GRXCR1: variants seen among roughly 807,000 people sequenced by gnomAD.
GRXCR1 encodes glutaredoxin and cysteine rich domain containing 1.
GRXCR1 carries 27 observed loss-of-function variants against 27.3 expected under a neutral mutation model. That is an observed-to-expected ratio of 0.99 (90% CI 0.73 to 1.37). The LOEUF is 1.37. Among genes scored for constraint, GRXCR1 ranks in the 40% most tolerant of loss-of-function variants. The pLI is 0.00. For missense variants in GRXCR1, 379 were observed against 354.4 expected, an observed-to-expected ratio of 1.07 and a Z score of -0.56; for synonymous variants, 122 against 131.1, an observed-to-expected ratio of 0.93 and a Z score of 0.47.
chr4:42,932,286 T>G lies in GRXCR1; in HGVS notation c.385-30606T>G, dbSNP rs370837332. On this transcript the variant is annotated intron_variant, in intron 1 of 3. Coordinates refer to ENST00000399770, the MANE Select transcript of GRXCR1 (RefSeq NM_001080476.3). ...GCCAGGCCTGTGCGGATTCCTTCCTTGGCCCCTGGCATCCAGCTGTTTCTG... is the reference window on the plus strand; with the variant it reads ...GCCAGGCCTGTGCGGATTCCTTCCTGGGCCCCTGGCATCCAGCTGTTTCTG... Among the ~76,000 whole-genome samples, 10 of 151,918 alleles carry G rather than the reference T, an allele frequency of 6.6e-5. No homozygotes were observed. In the East Asian group the frequency reaches 1.4e-3, roughly 21 times the overall value.
In GRXCR1 at chr4:42,989,152, G is replaced by A. The variant is rs576242243; in HGVS notation, c.627+26018G>A. Among the ~76,000 whole-genome samples, 18 of 152,212 alleles carry A rather than the reference G, an allele frequency of 1.2e-4. No homozygotes were observed. The East Asian group carries it at 2.5e-3, about 21-fold the overall frequency. On this transcript the variant is annotated intron_variant, in intron 2 of 3. Coordinates refer to ENST00000399770, the MANE Select transcript of GRXCR1 (RefSeq NM_001080476.3). ...CGCTTATATATTACTCAACTAGGAC[G>A]GGTATAACAAAATGCCATAGACTGG... is the stretch of plus-strand genomic sequence containing the variant.
Position 43,018,966 on chromosome 4 carries a change from C to T in GRXCR1, c.628-1388C>T, listed in dbSNP as rs1483881360. Among the ~76,000 whole-genome samples the T allele has an allele frequency of 4.6e-5, 7 of 152,134 alleles. No homozygotes were observed. In the East Asian group the frequency reaches 9.6e-4, roughly 21 times the overall value. ...TATATTCTCTGTAGCCCTGTGCGTT[C>T]GTTCATATTGCTTTTGAATGTATCA... On this transcript the variant is annotated intron_variant, in intron 2 of 3. Coordinates refer to ENST00000399770, the MANE Select transcript of GRXCR1 (RefSeq NM_001080476.3).
chr4:42,947,446 A>G (rs1747770072), intron 1 of GRXCR1, among the ~76,000 whole-genome samples: 1 of 152,176 alleles, frequency 6.6e-6, no homozygotes, highest in Non-Finnish European at 1.5e-5. Context: ...TATCTATTGC[A>G]TAGTATGTTG....
chr4:42,900,937 C>T (rs1746446861), intron 1 of GRXCR1, among the ~76,000 whole-genome samples: 1 of 152,136 alleles, frequency 6.6e-6, no homozygotes, highest in East Asian at 1.9e-4. Context: ...TGGTGAAGAG[C>T]CAGGTTCACA....
intron 2 of GRXCR1, among the ~76,000 whole-genome samples, chr4:43,003,346 T>C (rs1360923902): frequency 2.6e-5 from 4 of 152,024 alleles, no homozygotes; most frequent in Non-Finnish European, 5.9e-5. Flanking sequence ...AATGGACTAA[T>C]ACAGAAAATT....
At chr4:42,906,364 A>T (rs1237917609) in intron 1 of GRXCR1, among the ~76,000 whole-genome samples, 1 of 152,166 alleles carries the variant, frequency 6.6e-6, no homozygotes, top group East Asian at 1.9e-4. Flanking sequence ...ACCACAGCGC[A>T]CTTGGCTTTA....
intron 1 of GRXCR1, among the ~76,000 whole-genome samples, chr4:42,936,627 G>C (rs1322407736): frequency 6.6e-6 from 1 of 151,722 alleles, no homozygotes; most frequent in African/African-American, 2.4e-5. Context: ...GATTTCCTTA[G>C]GGTTCATCTG....
At chr4:43,009,397 T>C (rs1251072268) in intron 2 of GRXCR1, among the ~76,000 whole-genome samples, 1 of 152,180 alleles carries the variant, frequency 6.6e-6, no homozygotes, top group Non-Finnish European at 1.5e-5. Flanking sequence ...GTCCTCCAAC[T>C]CTCTCTACTG....
intron 1 of GRXCR1, among the ~76,000 whole-genome samples, chr4:42,894,059 A>G (rs888054854): frequency 6.6e-6 from 1 of 152,174 alleles, no homozygotes; most frequent in Admixed American, 6.6e-5. Flanking sequence ...ACACCAGAAA[A>G]TGTTGAGTGC....
intron 1 of GRXCR1, among the ~76,000 whole-genome samples, chr4:42,942,517 C>T (rs904664309): frequency 1.3e-5 from 2 of 152,052 alleles, no homozygotes; most frequent in African/African-American, 4.8e-5. Context: ...TTTGGTTACT[C>T]TCTATGGGGC....
intron 1 of GRXCR1, among the ~76,000 whole-genome samples, chr4:42,926,085 T>C (rs979639110): frequency 3.3e-5 from 5 of 152,198 alleles, no homozygotes; most frequent in African/African-American, 9.6e-5. Context: ...TCGACTAATA[T>C]GTTTCCTGCT....
intron 1 of GRXCR1, among the ~76,000 whole-genome samples, chr4:42,924,300 CAT>C (rs572216266): frequency 9.9e-5 from 15 of 152,128 alleles, no homozygotes; most frequent in African/African-American, 1.7e-4. Context: ...AATAAACACA[CAT>C]ATGTGTGTGT....
intron 1 of GRXCR1, among the ~76,000 whole-genome samples, chr4:42,898,848 C>T (rs77018725): frequency 0.039 from 5,854 of 151,978 alleles, 170 homozygotes; most frequent in Non-Finnish European, 0.054. Flanking sequence ...GAAATATTAT[C>T]TTTTTAGATA....
At chr4:42,941,962 T>C (rs142408742) in intron 1 of GRXCR1, among the ~76,000 whole-genome samples, 1 of 152,228 alleles carries the variant, frequency 6.6e-6, no homozygotes, top group Non-Finnish European at 1.5e-5. Flanking sequence ...TTTTCCTTAT[T>C]AATTTGATAT....
intron 1 of GRXCR1, among the ~76,000 whole-genome samples, chr4:42,932,651 GA>G (rs1182953582): frequency 1.6e-4 from 22 of 138,400 alleles, no homozygotes; most frequent in Middle Eastern, 3.8e-3. Context: ...GAGAGAGAGA[GA>G]GAGAGAGAGA....
At position 43,026,568 on chromosome 4, in the gene GRXCR1, G is replaced by A. The variant is rs1450040308; in HGVS notation, c.694-3793G>A. Among the ~76,000 whole-genome samples, 8 of 152,120 alleles carry A rather than the reference G, an allele frequency of 5.3e-5. 1 individual carries two copies. Among genetic ancestry groups the A allele is most frequent in the Admixed American group, 4.6e-4 (7 of 15,278 alleles). On this transcript the variant is annotated intron_variant, in intron 3 of 3. Transcript: ENST00000399770. Reference sequence around the variant, plus strand: ...CACCACCACTTTGGCTTTAGTCATAGCGTTTATCCTTTCAACTGCTTTACA... The same window carrying A: ...CACCACCACTTTGGCTTTAGTCATAACGTTTATCCTTTCAACTGCTTTACA...
chr4:42,984,753 C>T (rs944618293), intron 2 of GRXCR1, among the ~76,000 whole-genome samples: 6 of 152,178 alleles, frequency 3.9e-5, no homozygotes, highest in Non-Finnish European at 7.3e-5. Flanking sequence ...ACTGCTGAGG[C>T]CTGCCTGTTG....
intron 1 of GRXCR1, among the ~76,000 whole-genome samples, chr4:42,934,240 TTATA>T (rs3072842): frequency 2.7e-5 from 4 of 146,440 alleles, no homozygotes; most frequent in African/African-American, 7.5e-5. Flanking sequence ...TGATGTGATA[TTATA>T]TATATATATA....
chr4:42,893,112 G>T lies in GRXCR1; in HGVS notation c.-155G>T, dbSNP rs1035196359. 2.0e-5 allele frequency among the ~76,000 whole-genome samples: 3 copies of T among 152,126 alleles called. No homozygotes were observed. Among genetic ancestry groups the T allele is most frequent in the Non-Finnish European group, 4.4e-5 (3 of 68,008 alleles). On this transcript the variant is annotated 5_prime_UTR_variant, in exon 1 of 4. Transcript: ENST00000399770. ...TTATTATTAATAGCAGAGACACACTGTAAGTCCTTGGGAATCTTCTTTCCT... is the reference window on the plus strand; with the variant it reads ...TTATTATTAATAGCAGAGACACACTTTAAGTCCTTGGGAATCTTCTTTCCT...
Sources: gnomAD v4.1 joint callset for allele counts (sites outside exome capture counted in the v4.1 genomes callset) on GRCh38, gnomAD v4.1.1 for gene constraint, MANE v1.5 for transcripts, NCBI Gene and HGNC (gene_info 2026-07-23, HGNC 2026-07-21) for gene names.